The following STC1 variants were observed in gnomAD, a reference collection of about 807,000 sequenced individuals.
The protein encoded by STC1 is stanniocalcin-1.
A neutral mutation model predicts 22.6 loss-of-function variants in STC1; 7 were observed. The ratio of observed to expected loss-of-function variants is 0.31; its 90% CI spans 0.18 to 0.58. The LOEUF (loss-of-function observed/expected upper bound fraction) is 0.58, where lower values mean the gene tolerates loss of function less well. Ranked by LOEUF, STC1 falls within the 20% of genes least tolerant of loss-of-function variation. The pLI is 0.89. For missense variants in STC1, 224 were observed against 311.0 expected (o/e 0.72, Z 2.10); for synonymous variants, 113 against 120.7 (o/e 0.94, Z 0.42).
At chr8:23,850,011 C>A (rs1802618379) in intron 3 of STC1, among the ~76,000 whole-genome samples, 1 of 152,116 alleles carries the variant, frequency 6.6e-6, no homozygotes, top group Non-Finnish European at 1.5e-5. Flanking sequence ...CTGAGGAAAC[C>A]ATTTAGAACC....
Position 23,854,457 on chromosome 8 carries a change from G to C in STC1, c.67C>G (p.Gln23Glu). 6.2e-7 allele frequency: 1 copy of C among 1,614,126 alleles called. No homozygotes were observed. Among genetic ancestry groups the C allele is most frequent in the Non-Finnish European group, 8.5e-7 (1 of 1,180,024 alleles). The change falls in exon 1 of 4, where the codon CAG becomes GAG. Residue 23 changes from glutamine to glutamate, a missense_variant. By Grantham distance (29) the Gln-to-Glu change is conservative. Transcript: ENST00000290271. Reference protein sequence around the residue: ...ISASATHEAEQNDSVSPRKSR... With the variant: ...ISASATHEAEENDSVSPRKSR... The stretch of plus-strand genomic sequence containing the variant: ...TTCCTGGGGCTCACAGAGTCATTCT[G>C]CTCCGCCTCATGGGTTGCAGAAGCA...
In STC1 at chr8:23,844,830, G is replaced by C; in HGVS notation, c.684C>G (p.Asn228Lys). Residue 228 changes from asparagine (N) to lysine (K), a missense_variant, in exon 4 of 4, where the codon AAC (asparagine) becomes AAG (lysine). Physicochemically the swap from Asn to Lys is moderately conservative, Grantham distance 94. Transcript: ENST00000290271. ...EPQKLKVLLR[N>K]LRGEEDSPSH... ...AGGGAGAGTCCTCCTCACCTCGGAG[G>C]TTCCTGAGGAGGACTTTCAGCTTCT... is the stretch of plus-strand genomic sequence containing the variant. The C allele has an allele frequency of 6.2e-7, 1 of 1,614,056 alleles. No individual in the cohort carries two copies. The highest frequency in any genetic ancestry group is 8.5e-7 in the Non-Finnish European group (1 of 1,180,004).
intron 3 of STC1, 89 bp downstream of exon 3, chr8:23,851,231 G>T: frequency 1.6e-6 from 2 of 1,241,724 alleles, no homozygotes; most frequent in Non-Finnish European, 1.2e-6. Context: ...CATGACTGTG[G>T]CAATTTAACC....
intron 1 of STC1, 87 bp downstream of exon 1, chr8:23,854,319 T>C (rs1585309066): frequency 8.1e-7 from 1 of 1,227,682 alleles, no homozygotes; most frequent in Non-Finnish European, 1.2e-6. Flanking sequence ...ATTATCAAGA[T>C]CAGCCGTCAC....
At chr8:23,854,173 A>C in intron 1 of STC1, 1 of 1,250,886 alleles carries the variant, frequency 8.0e-7, no homozygotes, top group Non-Finnish European at 1.1e-6. Context: ...GGCTAGGCTT[A>C]TGCAATGAAA....
At position 23,854,730 on chromosome 8, in the gene STC1, G is replaced by A. The variant is rs183770404; in HGVS notation, c.-207C>T. ...CGCTGCTGCTGCTGCTGCCGCCGCT[G>A]CTGCTGCTGCTGCCACCGCCGCTGC... On this transcript the variant is annotated 5_prime_UTR_variant, in exon 1 of 4. Coordinates refer to ENST00000290271, the MANE Select transcript of STC1 (RefSeq NM_003155.3). 1,387 of 657,472 alleles carry A rather than the reference G, an allele frequency of 2.1e-3. 21 individuals carry two copies. Among genetic ancestry groups the A allele is most frequent in the Non-Finnish European group, 2.0e-4 (71 of 354,768 alleles). 40.7% of individuals were successfully genotyped at this position (657,472 alleles called of 1,614,324 possible).
chr8:23,853,039 G>GAAAT (rs1802656797), intron 1 of STC1, among the ~76,000 whole-genome samples: 1 of 150,604 alleles, frequency 6.6e-6, no homozygotes, highest in African/African-American at 2.5e-5. Context: ...TTTTAAAAAA[G>GAAAT]AAAGAAAGAA....
In STC1 at chr8:23,844,760, C is replaced by A; in HGVS notation, c.*10G>T. On this transcript the variant is annotated 3_prime_UTR_variant, in exon 4 of 4. Transcript: ENST00000290271. ...CTAGTTTGGTGAGGTTGTGAATAAC[C>A]TCTCCCTGGTTATGCACTCTCATGG... 1 of 1,611,416 alleles carries A rather than the reference C, an allele frequency of 6.2e-7. No individual in the cohort carries two copies.
At position 23,845,654 on chromosome 8, in the gene STC1, A is replaced by C. The variant is rs137896867; in HGVS notation, c.474-614T>G. On this transcript the variant is annotated intron_variant, in intron 3 of 3. Coordinates refer to ENST00000290271, the MANE Select transcript of STC1 (RefSeq NM_003155.3). ...TGCCATGCATTTTTCTACAAAATCT[A>C]ATGCCCTTATCACATACTTGGACAG... Among the ~76,000 whole-genome samples, 8 of 152,224 alleles carry C rather than the reference A, an allele frequency of 5.3e-5. No homozygotes were observed. The East Asian group carries it at 1.5e-3, about 29-fold the overall frequency.
At chr8:23,847,701 G>A (rs2117739610) in intron 3 of STC1, among the ~76,000 whole-genome samples, 1 of 152,332 alleles carries the variant, frequency 6.6e-6, no homozygotes, top group East Asian at 1.9e-4. Flanking sequence ...GTGTCACTAA[G>A]TGAGATGGAT....
intron 3 of STC1, among the ~76,000 whole-genome samples, chr8:23,845,355 A>G (rs892865182): frequency 6.6e-6 from 1 of 152,148 alleles, no homozygotes; most frequent in African/African-American, 2.4e-5. Context: ...TTACAGAGCT[A>G]GCTGGGACCA....
At chr8:23,845,185 G>T in intron 3 of STC1, 145 bp from the exon 4 acceptor site, 2 of 831,372 alleles carry the variant, frequency 2.4e-6, no homozygotes, top group South Asian at 1.7e-5. Context: ...GGTGGCTTTT[G>T]CTCTCTAACC....
Position 23,854,753 on chromosome 8 carries a change from T to C in STC1, c.-230A>G, listed in dbSNP as rs905711664. The C allele has an allele frequency of 4.5e-4, 232 of 516,666 alleles. No individual in the cohort carries two copies. The highest frequency in any genetic ancestry group is 7.0e-4 in the Middle Eastern group (2 of 2,864). The allele number at this position is 516,666 out of a possible 1,614,324, so 32.0% of individuals were successfully genotyped here. On this transcript the variant is annotated 5_prime_UTR_variant, in exon 1 of 4. Transcript: ENST00000290271. ...CTGCTGCTGCTGCTGCCACCGCCGC[T>C]GCTGCTGCTGCTGCTGCAGTCGCTG...
At chr8:23,854,340 G>T in intron 1 of STC1, 66 bp downstream of exon 1, 1 of 1,394,936 alleles carries the variant, frequency 7.2e-7, no homozygotes, top group Non-Finnish European at 1.0e-6. Flanking sequence ...AGACACAGTT[G>T]CAAAAGGGAG....
rs111788542 is a variant in STC1 at position 23,852,056 on chromosome 8, CTGTGTGTGTG to C, written c.261+176_261+185del. ...CTATTTCCTGGCCAGATGAGTGCCT[CTGTGTGTGTG>C]TGTGTGTGTGTGTGTGCATGCACAC... On this transcript the variant is annotated intron_variant, in intron 2 of 3. Coordinates refer to ENST00000290271, the MANE Select transcript of STC1 (RefSeq NM_003155.3). Among the ~76,000 whole-genome samples the C allele has an allele frequency of 3.1e-4, 46 of 147,428 alleles. 1 individual carries two copies. The South Asian group carries it at 9.3e-3, about 30-fold the overall frequency.
Position 23,842,246 on chromosome 8 carries a change from G to A in STC1, c.*2524C>T, listed in dbSNP as rs1802519680. On this transcript the variant is annotated 3_prime_UTR_variant, in exon 4 of 4. Coordinates refer to ENST00000290271, the MANE Select transcript of STC1 (RefSeq NM_003155.3). The stretch of plus-strand genomic sequence containing the variant: ...AAAGTGCAACCAAATCACAAGAGAA[G>A]AATCATGCAAACTGGTCTAGGTCAG... The A allele has an allele frequency of 6.6e-6, 1 of 152,248 alleles. No individual in the cohort carries two copies. The highest frequency in any genetic ancestry group is 1.9e-4 in the East Asian group (1 of 5,156). 9.4% of individuals were successfully genotyped at this position (152,248 alleles called of 1,614,324 possible).
intron 3 of STC1, among the ~76,000 whole-genome samples, chr8:23,849,328 A>T (rs967671370): frequency 1.3e-5 from 2 of 152,224 alleles, no homozygotes; most frequent in Admixed American, 1.3e-4. Flanking sequence ...TACAATCCTG[A>T]GCAGGAATAA....
rs952623485 is a variant in STC1 at position 23,843,811 on chromosome 8, T to C, written c.*959A>G. 1 of 152,628 alleles carries C rather than the reference T, an allele frequency of 6.6e-6. No individual in the cohort carries two copies. Among genetic ancestry groups the C allele is most frequent in the Non-Finnish European group, 1.5e-5 (1 of 68,038 alleles). 9.5% of individuals were successfully genotyped at this position (152,628 alleles called of 1,614,324 possible). ...GTCTCATACAGGCCCATCTTAAGTT[T>C]TGATGTTGAATTAAAACTACTTCTA... On this transcript the variant is annotated 3_prime_UTR_variant, in exon 4 of 4. Transcript: ENST00000290271.
chr8:23,848,728 A>C (rs911569931), intron 3 of STC1, among the ~76,000 whole-genome samples: 1 of 151,860 alleles, frequency 6.6e-6, no homozygotes, highest in Non-Finnish European at 1.5e-5. Context: ...ATAAAGAATA[A>C]GATCAGATAT....
Sources: allele counts gnomAD v4.1 joint callset (sites outside exome capture counted in the v4.1 genomes callset), GRCh38; gene constraint gnomAD v4.1.1; transcripts MANE v1.5; gene names NCBI Gene and HGNC (gene_info 2026-07-23, HGNC 2026-07-21).